Variants in STAMBPL1 observed in about 807,000 individuals in gnomAD.
STAMBPL1 encodes AMSH-like protease.
A neutral mutation model predicts 52.9 loss-of-function variants in STAMBPL1; 44 were observed. That is an observed-to-expected ratio of 0.83 (90% confidence interval 0.65 to 1.07). The LOEUF (loss-of-function observed/expected upper bound fraction) is 1.07. Ranked by LOEUF, STAMBPL1 falls within the 50% of genes least tolerant of loss-of-function variation. STAMBPL1 has a pLI of 0.00. For synonymous variants in STAMBPL1, 164 were observed against 177.3 expected (o/e 0.92, Z 0.60); for missense variants, 511 against 520.8 (o/e 0.98, Z 0.18).
In STAMBPL1 at chr10:88,922,401, T is replaced by A. The variant is rs773997891; in HGVS notation, c.1219T>A (p.Phe407Ile). ...LEVSACKKKG[F>I]HPHTKEPRLF... ...GGTTTCTGCTTGTAAAAAAAAGGGC[T>A]TTCATCCACACACCAAGGAGCCCAG... The change falls in exon 10 of 11, where the codon TTT becomes ATT. Residue 407 changes from phenylalanine (F) to isoleucine (I), a missense_variant. By Grantham distance (21) the Phe-to-Ile change is conservative (BLOSUM62 0). This residue lies in a region of STAMBPL1 where 137 missense variants were observed against 139.9 expected (regional missense o/e 0.98). Coordinates refer to ENST00000371926, the MANE Select transcript of STAMBPL1 (RefSeq NM_020799.4). 6.2e-7 allele frequency: 1 copy of A among 1,613,540 alleles called. No homozygotes were observed. The highest frequency in any genetic ancestry group is 1.1e-5 in the South Asian group (1 of 91,076).
chr10:88,885,174 A>G (rs1273194720), intron 1 of STAMBPL1, among the ~76,000 whole-genome samples: 1 of 152,002 alleles, frequency 6.6e-6, no homozygotes, highest in East Asian at 1.9e-4. Context: ...TGACTCCAAC[A>G]CCTATTTTCC....
intron 1 of STAMBPL1, among the ~76,000 whole-genome samples, chr10:88,888,607 G>T (rs1844598822): frequency 6.6e-6 from 1 of 152,180 alleles, no homozygotes; most frequent in Admixed American, 6.5e-5. Flanking sequence ...AGGCCACCTA[G>T]CTCAGCTTCA....
At chr10:88,919,673 C>G (rs545883688) in intron 8 of STAMBPL1, among the ~76,000 whole-genome samples, 35 of 152,234 alleles carry the variant, frequency 2.3e-4, no homozygotes, top group South Asian at 6.2e-4. Context: ...ACTCATACCC[C>G]CTACTGAAGA....
At chr10:88,899,711 C>T (rs1479342308) in intron 1 of STAMBPL1, among the ~76,000 whole-genome samples, 1 of 152,010 alleles carries the variant, frequency 6.6e-6, no homozygotes, top group Non-Finnish European at 1.5e-5. Context: ...AGTTTCACCA[C>T]GTTGCCCAGA....
chr10:88,892,358 G>A (rs924821625), intron 1 of STAMBPL1, among the ~76,000 whole-genome samples: 1 of 143,082 alleles, frequency 7.0e-6, no homozygotes, highest in African/African-American at 2.8e-5. Flanking sequence ...GTGTGCGTGT[G>A]TGTGTGTGTG....
intron 7 of STAMBPL1, among the ~76,000 whole-genome samples, chr10:88,915,393 A>T (rs1051383667): frequency 6.6e-6 from 1 of 152,202 alleles, no homozygotes; most frequent in Non-Finnish European, 1.5e-5. Flanking sequence ...TATTCAGTAC[A>T]CAATCTCCTG....
rs1048559206 is a variant in STAMBPL1 at position 88,880,283 on chromosome 10, G to A, written c.-409G>A. On this transcript the variant is annotated 5_prime_UTR_variant, in exon 1 of 11. Transcript: ENST00000371926. ...ATTTTCCTGCAGCAGCGGCAGCAGG[G>A]ACGGTTGCTGCAGGTTCGGGGTCGG... The A allele has an allele frequency of 1.3e-5, 2 of 152,348 alleles. No homozygotes were observed. The highest frequency in any genetic ancestry group is 2.9e-5 in the Non-Finnish European group (2 of 68,134). 9.4% of individuals were successfully genotyped at this position (152,348 alleles called of 1,614,324 possible).
intron 1 of STAMBPL1, among the ~76,000 whole-genome samples, chr10:88,884,986 A>G (rs1445761285): frequency 6.6e-6 from 1 of 152,196 alleles, no homozygotes; most frequent in East Asian, 1.9e-4. Context: ...TGGTTAGAAC[A>G]ATGTCTGGCA....
intron 1 of STAMBPL1, among the ~76,000 whole-genome samples, chr10:88,896,848 A>G (rs1381891359): frequency 9.3e-5 from 14 of 150,986 alleles, no homozygotes; most frequent in Admixed American, 9.2e-4. Context: ...AAACACACAC[A>G]TACATGCACG....
intron 8 of STAMBPL1, among the ~76,000 whole-genome samples, chr10:88,918,814 A>T (rs1399101467): frequency 6.6e-6 from 1 of 152,224 alleles, no homozygotes; most frequent in Non-Finnish European, 1.5e-5. Context: ...ATGTTAGTTT[A>T]TCTAACAAAA....
At chr10:88,881,448 G>T (rs935635370) in intron 1 of STAMBPL1, among the ~76,000 whole-genome samples, 10 of 151,968 alleles carry the variant, frequency 6.6e-5, no homozygotes, top group Non-Finnish European at 1.3e-4. Flanking sequence ...ATCAGTGTTC[G>T]GTAGTAAGTA....
At chr10:88,905,357 A>C (rs1019817191) in intron 2 of STAMBPL1, 86 bp from the exon 3 acceptor site, 10 of 1,047,268 alleles carry the variant, frequency 9.5e-6, no homozygotes, top group Non-Finnish European at 1.3e-5. Flanking sequence ...TAGGTTCCTC[A>C]TAAAGAACAT....
At chr10:88,889,932 CTTT>C (rs1264673076) in intron 1 of STAMBPL1, among the ~76,000 whole-genome samples, 1 of 152,152 alleles carries the variant, frequency 6.6e-6, no homozygotes, top group Non-Finnish European at 1.5e-5. Context: ...GATCTTGACA[CTTT>C]TTAAGAGCAT....
Position 88,913,227 on chromosome 10 carries a change from C to G in STAMBPL1, c.547C>G (p.Gln183Glu), listed in dbSNP as rs1180646651. The G allele has an allele frequency of 1.2e-6, 2 of 1,613,750 alleles. No individual in the cohort carries two copies. The highest frequency in any genetic ancestry group is 2.7e-5 in the African/African-American group (2 of 74,906). ...ESEQFLFFED[Q>E]LKKQELARGQ... ...GGAGCAGTTTCTGTTTTTCGAAGAT[C>G]AACTCAAGAAGCAAGAGTTAGCCCG... Residue 183 changes from glutamine to glutamate, a missense_variant, in exon 6 of 11, where the codon CAA (glutamine) becomes GAA (glutamate). Around this residue, in one of 3 missense-constraint regions of STAMBPL1, gnomAD observed 358 missense variants for 343.5 expected, o/e 1.04. Coordinates refer to ENST00000371926, the MANE Select transcript of STAMBPL1 (RefSeq NM_020799.4).
chr10:88,913,290 G>C lies in STAMBPL1; in HGVS notation c.610G>C (p.Glu204Gln). ...MRSQQTSGLS[E>Q]QIDGSALSCF... ...AAGTCAGCAAACCTCAGGGCTGTCAGAGCAGATTGATGGGAGCGCTTTGTC... is the reference window on the plus strand; with the variant it reads ...AAGTCAGCAAACCTCAGGGCTGTCACAGCAGATTGATGGGAGCGCTTTGTC... Residue 204 changes from glutamate to glutamine, a missense_variant, in exon 6 of 11, where the codon GAG becomes CAG. Glu to Gln is a conservative substitution (Grantham distance 29, BLOSUM62 2). This residue lies in a region of STAMBPL1 where 358 missense variants were observed against 343.5 expected (regional missense o/e 1.04). Transcript: ENST00000371926. 6.2e-7 allele frequency: 1 copy of C among 1,613,924 alleles called. No individual in the cohort carries two copies. The highest frequency in any genetic ancestry group is 1.1e-5 in the South Asian group (1 of 91,082).
intron 8 of STAMBPL1, 135 bp downstream of exon 8, chr10:88,916,952 G>A: frequency 2.2e-6 from 2 of 917,758 alleles, no homozygotes; most frequent in Non-Finnish European, 3.1e-6. Flanking sequence ...TGTCATTTAA[G>A]TAGTGGTTCT....
At chr10:88,885,642 G>C (rs1844513721) in intron 1 of STAMBPL1, among the ~76,000 whole-genome samples, 1 of 152,066 alleles carries the variant, frequency 6.6e-6, no homozygotes. Flanking sequence ...TGTGAGCTGT[G>C]GTGGAGTGAT....
intron 1 of STAMBPL1, 25 bp downstream of exon 1, chr10:88,880,663 G>C (rs1488577191): frequency 6.6e-6 from 1 of 152,148 alleles, no homozygotes; most frequent in Non-Finnish European, 1.5e-5. Flanking sequence ...GCGCGCGTGA[G>C]TGAGAGCGCG....
At position 88,894,716 on chromosome 10, in the gene STAMBPL1, C is replaced by T. The variant is rs7910454; in HGVS notation, c.-53-6940C>T. Among the ~76,000 whole-genome samples, 415 of 152,026 alleles carry T rather than the reference C, an allele frequency of 2.7e-3. 1 individual carries two copies. Among genetic ancestry groups the T allele is most frequent in the African/African-American group, 9.4e-3 (388 of 41,450 alleles). Reference sequence around the variant, plus strand: ...TTTTCTAAATGAATGACAGATTAAACGGAGCAAATTAGAAATGGAGGGAAG... The same window carrying T: ...TTTTCTAAATGAATGACAGATTAAATGGAGCAAATTAGAAATGGAGGGAAG... On this transcript the variant is annotated intron_variant, in intron 1 of 10. Transcript: ENST00000371926.
Sources: allele counts gnomAD v4.1 joint callset (sites outside exome capture counted in the v4.1 genomes callset), GRCh38; gene constraint gnomAD v4.1.1; regional missense constraint gnomAD v4.1.1; transcripts MANE v1.5; gene names NCBI Gene and HGNC (gene_info 2026-07-23, HGNC 2026-07-21).